CCDC3: variants seen among roughly 807,000 people sequenced by gnomAD.
CCDC3 encodes coiled-coil domain-containing protein 3.
A neutral mutation model predicts 21.4 loss-of-function variants in CCDC3; 24 were observed. The observed-to-expected ratio is 1.12, with a 90% confidence interval of 0.81 to 1.58. The LOEUF is 1.58. CCDC3 is among the 40% of genes most tolerant of loss of function. CCDC3 has a pLI of 0.00. For synonymous variants in CCDC3, 186 were observed against 166.0 expected, an observed-to-expected ratio of 1.12 and a Z score of -0.93; for missense variants, 425 against 360.9, an observed-to-expected ratio of 1.18 and a Z score of -1.44.
At chr10:13,069,772 G>T (rs1424591349) in intron 4 of CCDC3, among the ~76,000 whole-genome samples, 1 of 152,186 alleles carries the variant, frequency 6.6e-6, no homozygotes, top group African/African-American at 2.4e-5. Flanking sequence ...TAATGTCTGA[G>T]TATACGCTAT....
At chr10:13,082,878 C>T (rs910890361) in intron 3 of CCDC3, among the ~76,000 whole-genome samples, 33 of 152,310 alleles carry the variant, frequency 2.2e-4, no homozygotes, top group African/African-American at 7.5e-4. Flanking sequence ...ATGCTACAAA[C>T]TAATGATTAA....
intron 2 of CCDC3, among the ~76,000 whole-genome samples, chr10:12,997,464 T>G (rs2131284917): frequency 6.6e-6 from 1 of 152,330 alleles, no homozygotes; most frequent in Middle Eastern, 3.4e-3. Flanking sequence ...TTCCTCCAAC[T>G]CTGGCATTTG....
At chr10:13,036,217 G>A (rs1836375964) in intron 5 of CCDC3, among the ~76,000 whole-genome samples, 1 of 152,096 alleles carries the variant, frequency 6.6e-6, no homozygotes, top group African/African-American at 2.4e-5. Context: ...AGGAGAACAT[G>A]GAAGAAATAT....
At chr10:12,977,616 C>T (rs536451586) in intron 2 of CCDC3, among the ~76,000 whole-genome samples, 3 of 152,304 alleles carry the variant, frequency 2.0e-5, no homozygotes, top group African/African-American at 7.2e-5. Context: ...AGAAATAACC[C>T]TCACAGAGCC....
chr10:12,985,869 A>G (rs758293487), intron 2 of CCDC3, among the ~76,000 whole-genome samples: 5 of 152,056 alleles, frequency 3.3e-5, no homozygotes, highest in Admixed American at 6.6e-5. Context: ...ATAAAATTGC[A>G]TCGAGTTTTT....
intron 2 of CCDC3, among the ~76,000 whole-genome samples, chr10:12,953,388 C>CT (rs1835038274): frequency 6.6e-6 from 1 of 152,190 alleles, no homozygotes; most frequent in Non-Finnish European, 1.5e-5. Flanking sequence ...ATCAGACCCC[C>CT]TCCCGCTCCA....
Position 13,086,637 on chromosome 10 carries a change from G to A in CCDC3, c.-503+11888C>T, listed in dbSNP as rs567738781. 1.6e-4 allele frequency among the ~76,000 whole-genome samples: 24 copies of A among 152,124 alleles called. No homozygotes were observed. In the South Asian group the frequency reaches 2.5e-3, roughly 16 times the overall value. On this transcript the variant is annotated intron_variant, in intron 3 of 6. Coordinates refer to the CCDC3 transcript ENST00000378839. ...AATTTTTTGTATTTTTAGTAGAGAC[G>A]GGGTTTCACCGTGTTAGCCAGGATG...
At chr10:13,079,529 G>A (rs1183946863) in intron 3 of CCDC3, among the ~76,000 whole-genome samples, 1 of 152,100 alleles carries the variant, frequency 6.6e-6, no homozygotes, top group African/African-American at 2.4e-5. Flanking sequence ...AAGAGAAACA[G>A]CAGGAGCGGT....
At chr10:13,027,778 C>A (rs902143815) in intron 5 of CCDC3, among the ~76,000 whole-genome samples, 3 of 151,132 alleles carry the variant, frequency 2.0e-5, no homozygotes, top group Non-Finnish European at 4.4e-5. Flanking sequence ...CTCATTTAAT[C>A]AATACGACCT....
intron 4 of CCDC3, among the ~76,000 whole-genome samples, chr10:13,069,623 G>A (rs951591543): frequency 6.6e-6 from 1 of 152,124 alleles, no homozygotes; most frequent in Non-Finnish European, 1.5e-5. Flanking sequence ...GGCCCCTGGA[G>A]TATCCAAAAG....
At chr10:12,998,274 A>G in intron 2 of CCDC3, 64 bp downstream of exon 2, 2 of 1,545,884 alleles carry the variant, frequency 1.3e-6, no homozygotes, top group South Asian at 1.2e-5. Flanking sequence ...TTTGGTCACA[A>G]AATTCACACA....
At chr10:12,909,834 C>T (rs1334190216) in intron 2 of CCDC3, among the ~76,000 whole-genome samples, 1 of 152,176 alleles carries the variant, frequency 6.6e-6, no homozygotes, top group Non-Finnish European at 1.5e-5. Context: ...CCATGGGGTA[C>T]TTTTCAGGGT....
chr10:12,972,241 A>G (rs558468202), intron 2 of CCDC3, among the ~76,000 whole-genome samples: 4 of 152,086 alleles, frequency 2.6e-5, no homozygotes, highest in Admixed American at 1.3e-4. Flanking sequence ...TCATGTTTTC[A>G]CCACATTTAC....
At chr10:13,009,116 C>A (rs1256494341) in intron 5 of CCDC3, among the ~76,000 whole-genome samples, 1 of 152,144 alleles carries the variant, frequency 6.6e-6, no homozygotes, top group African/African-American at 2.4e-5. Context: ...CAATTGTATT[C>A]TCTTTACTAA....
intron 2 of CCDC3, among the ~76,000 whole-genome samples, chr10:12,951,343 G>A (rs1310015052): frequency 6.6e-6 from 1 of 152,098 alleles, no homozygotes; most frequent in Non-Finnish European, 1.5e-5. Flanking sequence ...GTGACAAAGT[G>A]AGACTGTCTC....
At chr10:12,994,698 A>G (rs772286343) in intron 2 of CCDC3, among the ~76,000 whole-genome samples, 10 of 152,084 alleles carry the variant, frequency 6.6e-5, no homozygotes, top group Non-Finnish European at 1.3e-4. Flanking sequence ...CTGACATAAC[A>G]TGGTGTATTT....
At chr10:13,062,596 A>G (rs1361369440) in intron 4 of CCDC3, among the ~76,000 whole-genome samples, 1 of 152,146 alleles carries the variant, frequency 6.6e-6, no homozygotes, top group Non-Finnish European at 1.5e-5. Flanking sequence ...TCTTGTTCTA[A>G]CCTCCAAGCT....
At chr10:12,927,777 T>G (rs532050023) in intron 2 of CCDC3, among the ~76,000 whole-genome samples, 10 of 151,762 alleles carry the variant, frequency 6.6e-5, no homozygotes, top group South Asian at 2.1e-4. Flanking sequence ...TGAACCATAT[T>G]AGAAGTCCAT....
chr10:13,081,181 A>AT (rs1247537597), intron 3 of CCDC3, among the ~76,000 whole-genome samples: 6 of 151,696 alleles, frequency 4.0e-5, no homozygotes, highest in African/African-American at 1.5e-4. Flanking sequence ...AAAAAAAAAA[A>AT]ATACCTATAG....
Sources: gnomAD v4.1 joint callset for allele counts (sites outside exome capture counted in the v4.1 genomes callset) on GRCh38, gnomAD v4.1.1 for gene constraint, MANE v1.5 for transcripts, NCBI Gene and HGNC (gene_info 2026-07-23, HGNC 2026-07-21) for gene names.